Variants in PTPN13 observed in about 807,000 individuals in gnomAD.
The protein encoded by PTPN13 is tyrosine-protein phosphatase non-receptor type 13.
PTPN13 carries 191 observed loss-of-function variants against 284.0 expected under a neutral mutation model. The ratio of observed to expected loss-of-function variants is 0.67; its 90% CI spans 0.60 to 0.76. The LOEUF is 0.76. Ranked by LOEUF, PTPN13 falls within the 30% of genes least tolerant of loss-of-function variation. The pLI, the probability that PTPN13 is intolerant of heterozygous loss-of-function variation, is 0.00. For synonymous variants in PTPN13, 986 were observed against 1,022.3 expected (o/e 0.96, Z 0.68); for missense variants, 2,797 against 2,939.9 (o/e 0.95, Z 1.12).
At chr4:86,728,824 G>A (rs1734623092) in intron 10 of PTPN13, among the ~76,000 whole-genome samples, 1 of 147,150 alleles carries the variant, frequency 6.8e-6, no homozygotes, top group South Asian at 2.2e-4. Context: ...TTTAATTGGG[G>A]CATTTAGCCC....
intron 1 of PTPN13, among the ~76,000 whole-genome samples, chr4:86,608,262 AAGAATTCACTATGTAT>A (rs1418441733): frequency 1.3e-5 from 2 of 152,142 alleles, no homozygotes; most frequent in Non-Finnish European, 2.9e-5. Flanking sequence ...TTCGACTGTG[AAGAATTCACTATGTAT>A]AGAATCTGGT....
intron 2 of PTPN13, among the ~76,000 whole-genome samples, chr4:86,636,617 C>G (rs1442982391): frequency 6.6e-6 from 1 of 152,000 alleles, no homozygotes; most frequent in Non-Finnish European, 1.5e-5. Flanking sequence ...TAAAGATGTT[C>G]TTTGAAACCA....
intron 38 of PTPN13, 74 bp from the exon 39 acceptor site, chr4:86,785,157 C>T: frequency 5.1e-6 from 6 of 1,179,718 alleles, no homozygotes; most frequent in Non-Finnish European, 6.9e-6. Flanking sequence ...CTAGCAAATT[C>T]TGTTTAACAC....
chr4:86,711,929 T>G (rs907290851), intron 7 of PTPN13, among the ~76,000 whole-genome samples: 2 of 152,182 alleles, frequency 1.3e-5, no homozygotes, highest in African/African-American at 4.8e-5. Flanking sequence ...AATTTTGGCA[T>G]TCAGAAAACT....
chr4:86,684,348 G>A (rs1729217714), intron 3 of PTPN13, among the ~76,000 whole-genome samples: 1 of 152,176 alleles, frequency 6.6e-6, no homozygotes, highest in Admixed American at 6.5e-5. Flanking sequence ...GAAAAGCTGA[G>A]AAAGAAAAGG....
rs903702957 is a variant in PTPN13 at position 86,637,006 on chromosome 4, G to A, written c.115+1635G>A. On this transcript the variant is annotated intron_variant, in intron 2 of 47. Transcript: ENST00000411767. ...AAATGATAAAGGGGATATCACCACCGATCCCACAGAAATACAAACTACCAT... is the reference window on the plus strand; with the variant it reads ...AAATGATAAAGGGGATATCACCACCAATCCCACAGAAATACAAACTACCAT... 7.2e-4 allele frequency among the ~76,000 whole-genome samples: 110 copies of A among 152,024 alleles called. 1 individual carries two copies. The highest frequency in any genetic ancestry group is 1.3e-3 in the Admixed American group (20 of 15,270).
At chr4:86,679,728 CAG>C (rs1728678394) in intron 3 of PTPN13, among the ~76,000 whole-genome samples, 1 of 152,186 alleles carries the variant, frequency 6.6e-6, no homozygotes, top group Non-Finnish European at 1.5e-5. Flanking sequence ...TATTTCTTCA[CAG>C]AGATCCAGAG....
At chr4:86,803,510 T>C (rs1744288403) in intron 42 of PTPN13, among the ~76,000 whole-genome samples, 199 bp from the exon 43 acceptor site, 1 of 152,134 alleles carries the variant, frequency 6.6e-6, no homozygotes, top group South Asian at 2.1e-4. Context: ...GGAAGATCCC[T>C]TGAGCCTGGT....
chr4:86,770,675 A>G (rs965297292), intron 30 of PTPN13, among the ~76,000 whole-genome samples: 4 of 152,220 alleles, frequency 2.6e-5, no homozygotes, highest in African/African-American at 9.6e-5. Flanking sequence ...CAATTTGGAA[A>G]TACTTAATTA....
intron 9 of PTPN13, among the ~76,000 whole-genome samples, chr4:86,718,481 C>T (rs532184872): frequency 3.9e-5 from 5 of 128,858 alleles, no homozygotes; most frequent in South Asian, 4.6e-4. Context: ...GACAGAGTCT[C>T]GCTTTGCTGC....
intron 1 of PTPN13, among the ~76,000 whole-genome samples, chr4:86,596,004 C>G (rs1271717186): frequency 2.0e-5 from 3 of 152,264 alleles, no homozygotes; most frequent in African/African-American, 7.2e-5. Flanking sequence ...TTTAATATCA[C>G]TAGGAGCATT....
In PTPN13 at chr4:86,782,189, T is replaced by A; in HGVS notation, c.5963-12T>A. ...TTGGCTCATCCCCTTACTTCCTATA[T>A]TGTCCTTTCAGGTTCCTACAGTGTG... On this transcript the variant is annotated splice_polypyrimidine_tract_variant and intron_variant, in intron 36 of 47. Transcript: ENST00000411767. 1 of 1,583,774 alleles carries A rather than the reference T, an allele frequency of 6.3e-7. No homozygotes were observed. Among genetic ancestry groups the A allele is most frequent in the South Asian group, 1.1e-5 (1 of 90,460 alleles).
At chr4:86,729,455 T>C (rs1734694765) in intron 10 of PTPN13, among the ~76,000 whole-genome samples, 1 of 149,762 alleles carries the variant, frequency 6.7e-6, no homozygotes, top group African/African-American at 2.4e-5. Flanking sequence ...GATTCCATTT[T>C]CCCTGTCACT....
chr4:86,628,366 A>G (rs1232953894), intron 1 of PTPN13, among the ~76,000 whole-genome samples: 1 of 151,958 alleles, frequency 6.6e-6, no homozygotes, highest in Non-Finnish European at 1.5e-5. Context: ...CCAGCCGTAT[A>G]TCTTCTCTGA....
chr4:86,660,238 G>C (rs1726324853), intron 2 of PTPN13, among the ~76,000 whole-genome samples: 1 of 152,142 alleles, frequency 6.6e-6, no homozygotes, highest in Non-Finnish European at 1.5e-5. Context: ...TTGCCTTAGA[G>C]TTTGCATAGT....
chr4:86,736,051 G>C (rs1448253001), intron 15 of PTPN13, among the ~76,000 whole-genome samples: 2 of 152,072 alleles, frequency 1.3e-5, no homozygotes, highest in Non-Finnish European at 2.9e-5. Context: ...TTATACAGAA[G>C]AAACAAATGA....
intron 3 of PTPN13, among the ~76,000 whole-genome samples, chr4:86,674,701 C>G (rs1394455795): frequency 6.6e-6 from 1 of 152,004 alleles, no homozygotes; most frequent in African/African-American, 2.4e-5. Context: ...AAAAAATTTC[C>G]CATTACATAA....
At chr4:86,795,903 G>C (rs1743283691) in intron 40 of PTPN13, among the ~76,000 whole-genome samples, 1 of 152,134 alleles carries the variant, frequency 6.6e-6, no homozygotes, top group Admixed American at 6.6e-5. Flanking sequence ...TTGGGGGCCT[G>C]GGGGAGGGAT....
At chr4:86,713,773 CT>C (rs1732692934) in intron 7 of PTPN13, among the ~76,000 whole-genome samples, 1 of 152,134 alleles carries the variant, frequency 6.6e-6, no homozygotes, top group Non-Finnish European at 1.5e-5. Flanking sequence ...CAATGTGACT[CT>C]TATCCTTTCT....
Sources: allele counts gnomAD v4.1 joint callset (sites outside exome capture counted in the v4.1 genomes callset), GRCh38; gene constraint gnomAD v4.1.1; transcripts MANE v1.5; gene names NCBI Gene and HGNC (gene_info 2026-07-23, HGNC 2026-07-21).